DAAM1: variants seen among roughly 807,000 people sequenced by gnomAD.
DAAM1 encodes dishevelled associated activator of morphogenesis 1.
A neutral mutation model predicts 130.0 loss-of-function variants in DAAM1; 52 were observed. The observed-to-expected ratio is 0.40, with a 90% CI of 0.32 to 0.50. The LOEUF (loss-of-function observed/expected upper bound fraction) is 0.50, where lower values mean the gene tolerates loss of function less well. Among genes scored for constraint, DAAM1 ranks in the 20% least tolerant of loss-of-function variants. The pLI, the probability that DAAM1 is intolerant of heterozygous loss-of-function variation, is 0.61. For missense variants in DAAM1, 1,134 were observed against 1,303.8 expected, an observed-to-expected ratio of 0.87 and a Z score of 2.01; for synonymous variants, 452 against 444.5, an observed-to-expected ratio of 1.02 and a Z score of -0.21.
intron 1 of DAAM1, among the ~76,000 whole-genome samples, chr14:59,261,993 C>T (rs143894264): frequency 1.3e-4 from 19 of 151,948 alleles, no homozygotes; most frequent in Non-Finnish European, 2.1e-4. Flanking sequence ...CTTCCCTGAC[C>T]AAGATATGTT....
At chr14:59,311,595 G>C (rs1884597996) in intron 3 of DAAM1, among the ~76,000 whole-genome samples, 1 of 151,228 alleles carries the variant, frequency 6.6e-6, no homozygotes, top group Non-Finnish European at 1.5e-5. Context: ...CTGTTATCCA[G>C]AGGTAGCCAT....
At chr14:59,363,538 A>G (rs1886793623) in intron 22 of DAAM1, 113 bp from the exon 23 acceptor site, 6 of 1,449,334 alleles carry the variant, frequency 4.1e-6, no homozygotes, top group Non-Finnish European at 5.6e-6. Flanking sequence ...ACAAGTTTTG[A>G]TGTGTTTGCC....
At chr14:59,219,202 A>G (rs549186317) in intron 1 of DAAM1, among the ~76,000 whole-genome samples, 1 of 152,212 alleles carries the variant, frequency 6.6e-6, no homozygotes, top group Non-Finnish European at 1.5e-5. Context: ...AGCCTGTTCT[A>G]CAGCCAGTGT....
In DAAM1 at chr14:59,240,754, G is replaced by A. The variant is rs116353639; in HGVS notation, c.-37-22687G>A. On this transcript the variant is annotated intron_variant, in intron 1 of 24. Transcript: ENST00000360909. The stretch of plus-strand genomic sequence containing the variant: ...TCCAGCCACATAAAGATCTCTGGTC[G>A]TCTTTGTGTTGTGTGCCATCCCTAG... 6.5e-3 allele frequency among the ~76,000 whole-genome samples: 983 copies of A among 152,338 alleles called. 14 individuals carry two copies. The highest frequency in any genetic ancestry group is 0.023 in the African/African-American group (949 of 41,586).
chr14:59,214,140 T>C (rs981443900), intron 1 of DAAM1, among the ~76,000 whole-genome samples: 2 of 152,234 alleles, frequency 1.3e-5, no homozygotes, highest in Non-Finnish European at 2.9e-5. Context: ...CTTTGGAAGA[T>C]TGGGGCTGTA....
chr14:59,229,404 A>G (rs1254134404), intron 1 of DAAM1, among the ~76,000 whole-genome samples: 3 of 152,204 alleles, frequency 2.0e-5, no homozygotes, highest in African/African-American at 7.2e-5. Flanking sequence ...GGTATTTACT[A>G]ATTCGTCTTT....
At chr14:59,233,858 G>T (rs1302311732) in intron 1 of DAAM1, among the ~76,000 whole-genome samples, 1 of 152,190 alleles carries the variant, frequency 6.6e-6, no homozygotes, top group African/African-American at 2.4e-5. Context: ...TGGCTAGCCA[G>T]TTTTCCCAGC....
At chr14:59,291,382 A>T (rs996920002) in intron 3 of DAAM1, 76 bp downstream of exon 3, 5 of 1,171,610 alleles carry the variant, frequency 4.3e-6, no homozygotes, top group Non-Finnish European at 6.1e-6. Flanking sequence ...TCACCACTAG[A>T]ATTGGACAGC....
intron 2 of DAAM1, 119 bp downstream of exon 2, chr14:59,263,779 A>G: frequency 3.2e-6 from 4 of 1,231,562 alleles, no homozygotes; most frequent in African/African-American, 1.5e-5. Flanking sequence ...AATGGCCCCC[A>G]TTCACCTTTA....
At chr14:59,272,643 ATATGTATGTATG>A (rs61227619) in intron 2 of DAAM1, among the ~76,000 whole-genome samples, 1 of 145,874 alleles carries the variant, frequency 6.9e-6, no homozygotes, top group Admixed American at 7.0e-5. Flanking sequence ...ACACACATAT[ATATGTATGTATG>A]TATGTATGTA....
chr14:59,298,816 T>G (rs568483932), intron 3 of DAAM1, among the ~76,000 whole-genome samples: 1 of 152,328 alleles, frequency 6.6e-6, no homozygotes, highest in South Asian at 2.1e-4. Context: ...TCCTGTCAGC[T>G]TTACCACTTG....
Position 59,206,266 on chromosome 14 carries a change from A to ATTTAT in DAAM1, c.-38+17517_-38+17521dup, listed in dbSNP as rs906200037. Among the ~76,000 whole-genome samples, 38 of 152,152 alleles carry ATTTAT rather than the reference A, an allele frequency of 2.5e-4. 1 individual carries two copies. The highest frequency in any genetic ancestry group is 7.9e-4 in the African/African-American group (33 of 41,526). ...CACTTGATCATTCTGGGGCTCAGGTATTTATTTTATTTTATTTTATTTTTT... is the reference window on the plus strand; with the variant it reads ...CACTTGATCATTCTGGGGCTCAGGTATTTATTTTATTTTATTTTATTTTATTTTTT... On this transcript the variant is annotated intron_variant, in intron 1 of 24. Transcript: ENST00000360909.
At chr14:59,235,079 A>C (rs1317326840) in intron 1 of DAAM1, among the ~76,000 whole-genome samples, 1 of 152,102 alleles carries the variant, frequency 6.6e-6, no homozygotes, top group African/African-American at 2.4e-5. Context: ...CTCGATGTTC[A>C]TCAGGGATAT....
At chr14:59,280,482 C>A (rs890061318) in intron 2 of DAAM1, among the ~76,000 whole-genome samples, 4 of 150,530 alleles carry the variant, frequency 2.7e-5, no homozygotes, top group African/African-American at 4.9e-5. Context: ...TGAAATATCC[C>A]TTCCCTTCCT....
At chr14:59,329,177 G>C (rs1885326612) in intron 12 of DAAM1, among the ~76,000 whole-genome samples, 1 of 152,134 alleles carries the variant, frequency 6.6e-6, no homozygotes, top group Non-Finnish European at 1.5e-5. Context: ...TAGACTTCTT[G>C]GAATAGTGTC....
intron 6 of DAAM1, 115 bp downstream of exon 6, chr14:59,323,340 C>T (rs1162794763): frequency 8.8e-7 from 1 of 1,131,168 alleles, no homozygotes; most frequent in Non-Finnish European, 1.2e-6. Context: ...GTGGTGATTA[C>T]TCACAGTGTG....
chr14:59,277,717 A>T (rs569281011), intron 2 of DAAM1, among the ~76,000 whole-genome samples: 1 of 152,208 alleles, frequency 6.6e-6, no homozygotes. Context: ...CATGAAAAAA[A>T]AATTCTCTGA....
chr14:59,229,222 T>A (rs1889031456), intron 1 of DAAM1, among the ~76,000 whole-genome samples: 1 of 152,204 alleles, frequency 6.6e-6, no homozygotes, highest in African/African-American at 2.4e-5. Context: ...GAGCGAATGA[T>A]GCATTTTGTA....
intron 1 of DAAM1, among the ~76,000 whole-genome samples, chr14:59,232,002 T>G (rs537984028): frequency 1.3e-5 from 2 of 152,314 alleles, no homozygotes; most frequent in East Asian, 3.9e-4. Flanking sequence ...TAAAGTATGC[T>G]CCAGCCTGAG....
Sources: allele counts gnomAD v4.1 joint callset (sites outside exome capture counted in the v4.1 genomes callset), GRCh38; gene constraint gnomAD v4.1.1; transcripts MANE v1.5; gene names NCBI Gene and HGNC (gene_info 2026-07-23, HGNC 2026-07-21).